Variants in ATP6V0E1 observed in about 807,000 individuals in gnomAD.
ATP6V0E1 encodes the protein ATPase H+ transporting V0 subunit e1.
In ATP6V0E1, 4 loss-of-function variants were observed where a neutral mutation model predicts 11.6. The observed-to-expected ratio is 0.35, with a 90% confidence interval of 0.17 to 0.79. The LOEUF is 0.79. Ranked by LOEUF, ATP6V0E1 falls within the 30% of genes least tolerant of loss-of-function variation. The pLI, the probability that ATP6V0E1 is intolerant of heterozygous loss-of-function variation, is 0.54. For synonymous variants in ATP6V0E1, 36 were observed against 34.8 expected, an observed-to-expected ratio of 1.04 and a Z score of -0.13; for missense variants, 105 against 100.0, an observed-to-expected ratio of 1.05 and a Z score of -0.21.
intron 2 of ATP6V0E1, among the ~76,000 whole-genome samples, chr5:173,001,821 T>A (rs1475817696): frequency 1.3e-5 from 2 of 151,564 alleles, no homozygotes; most frequent in Non-Finnish European, 2.9e-5. Context: ...CAGTTTCAAG[T>A]GATTCTCTTG....
At chr5:172,992,444 G>A (rs1352114095) in intron 1 of ATP6V0E1, among the ~76,000 whole-genome samples, 1 of 151,974 alleles carries the variant, frequency 6.6e-6, no homozygotes, top group African/African-American at 2.4e-5. Context: ...CTTTCCCCAG[G>A]CTCCTTGCTC....
chr5:173,024,116 T>C (rs1159754084), intron 3 of ATP6V0E1, among the ~76,000 whole-genome samples: 1 of 146,168 alleles, frequency 6.8e-6, no homozygotes, highest in Non-Finnish European at 1.5e-5. Flanking sequence ...GAGAATGGCA[T>C]GAACCCAGGA....
chr5:173,024,211 A>AG (rs1363039239), intron 3 of ATP6V0E1, among the ~76,000 whole-genome samples: 2 of 150,866 alleles, frequency 1.3e-5, no homozygotes, highest in Non-Finnish European at 2.9e-5. Context: ...AAAAAAAAAA[A>AG]AAAAAGAAAG....
intron 2 of ATP6V0E1, among the ~76,000 whole-genome samples, chr5:173,008,096 C>T (rs942280188): frequency 1.3e-5 from 2 of 152,248 alleles, no homozygotes; most frequent in East Asian, 1.9e-4. Context: ...AAATGTCCCT[C>T]CAGCTTCCTC....
chr5:173,007,682 C>G (rs1235984387), intron 2 of ATP6V0E1, among the ~76,000 whole-genome samples: 1 of 152,106 alleles, frequency 6.6e-6, no homozygotes, highest in Non-Finnish European at 1.5e-5. Context: ...ATATTTGGTT[C>G]CCTAGGACTG....
intron 2 of ATP6V0E1, among the ~76,000 whole-genome samples, chr5:173,016,646 G>GT (rs924896308): frequency 6.6e-6 from 1 of 152,162 alleles, no homozygotes; most frequent in African/African-American, 2.4e-5. Flanking sequence ...TTACGAAAGT[G>GT]TTTTTTCAGG....
chr5:173,013,562 C>A (rs1756361907), intron 2 of ATP6V0E1, among the ~76,000 whole-genome samples: 1 of 121,740 alleles, frequency 8.2e-6, no homozygotes, highest in African/African-American at 3.3e-5. Context: ...GCGACAGAGC[C>A]AGACTCCATC....
At chr5:173,015,980 C>T (rs1313610317) in intron 2 of ATP6V0E1, among the ~76,000 whole-genome samples, 3 of 152,132 alleles carry the variant, frequency 2.0e-5, no homozygotes, top group Non-Finnish European at 4.4e-5. Context: ...CCCGCCTTGG[C>T]CTCCCAGTGT....
intron 2 of ATP6V0E1, among the ~76,000 whole-genome samples, chr5:173,015,616 A>G (rs1756388460): frequency 1.3e-5 from 2 of 152,240 alleles, no homozygotes; most frequent in South Asian, 4.1e-4. Flanking sequence ...TGAGAGGTTC[A>G]GGAAAGCTGG....
In ATP6V0E1 at chr5:173,012,782, C is replaced by CA. The variant is rs1756348779; in HGVS notation, c.153-7455dup. Among the ~76,000 whole-genome samples the CA allele has an allele frequency of 2.0e-5, 3 of 150,534 alleles. No homozygotes were observed. In the South Asian group the frequency reaches 6.3e-4, roughly 31 times the overall value. ...AAAAAAAAAAAAGAAAAGATTTAAA[C>CA]ATAAGACCTGAAATTATAAAACAGC... is the stretch of plus-strand genomic sequence containing the variant. On this transcript the variant is annotated intron_variant, in intron 2 of 3. Transcript: ENST00000519374.
chr5:172,999,690 A>C (rs1343724569), intron 2 of ATP6V0E1, among the ~76,000 whole-genome samples: 2 of 152,162 alleles, frequency 1.3e-5, no homozygotes, highest in African/African-American at 4.8e-5. Context: ...TGCTGTCTAG[A>C]CATTAGTCCA....
chr5:172,992,503 C>T (rs143789118), intron 1 of ATP6V0E1, among the ~76,000 whole-genome samples: 1 of 152,248 alleles, frequency 6.6e-6, no homozygotes, highest in Non-Finnish European at 1.5e-5. Context: ...GGTACCCTCT[C>T]ACCCCCTGCC....
Position 172,983,986 on chromosome 5 carries a change from T to G in ATP6V0E1, c.104+22T>G, listed in dbSNP as rs768593649. 4 of 1,606,936 alleles carry G rather than the reference T, an allele frequency of 2.5e-6. No individual in the cohort carries two copies. The African/African-American group carries it at 5.4e-5, about 22-fold the overall frequency. On this transcript the variant is annotated intron_variant, in intron 1 of 3. Transcript: ENST00000519374. ...GGGGGTAAGTGCGTGAGGCCCGCCT[T>G]GGGAGGAACGGGCGGTGAGGAGCTA...
At chr5:172,986,638 AC>A in intron 1 of ATP6V0E1, 1 of 419,176 alleles carries the variant, frequency 2.4e-6, no homozygotes, top group Non-Finnish European at 4.7e-6. Context: ...CAAAAATGAA[AC>A]AAGTCCAGTG....
chr5:173,030,537 T>C (rs370036686), intron 3 of ATP6V0E1, among the ~76,000 whole-genome samples: 63 of 151,066 alleles, frequency 4.2e-4, no homozygotes, highest in African/African-American at 1.5e-3. Flanking sequence ...GCCTCCTGGG[T>C]TCAAGTGATT....
Position 173,027,178 on chromosome 5 carries a change from CAAAAAAA to C in ATP6V0E1, c.*36+6831_*36+6837del, listed in dbSNP as rs1158447516. Reference sequence around the variant, plus strand: ...TGGGTGACACAGCGAGACTCCGTCTCAAAAAAAAAAAAAAAAAAAAAAAAAATAGCCG... The same window carrying C: ...TGGGTGACACAGCGAGACTCCGTCTCAAAAAAAAAAAAAAAAAAATAGCCG... On this transcript the variant is annotated intron_variant, in intron 3 of 3. Transcript: ENST00000519374. Among the ~76,000 whole-genome samples the C allele has an allele frequency of 8.1e-4, 21 of 26,056 alleles. 1 individual carries two copies. Among genetic ancestry groups the C allele is most frequent in the South Asian group, 5.0e-3 (3 of 606 alleles). The allele number at this position is 26,056 out of a possible 152,430, so 17.1% of individuals were successfully genotyped here.
intron 3 of ATP6V0E1, among the ~76,000 whole-genome samples, chr5:173,030,997 T>G (rs1452405541): frequency 6.6e-6 from 1 of 151,882 alleles, no homozygotes. Context: ...CAGACTGGAG[T>G]GCAGTGGTGC....
intron 2 of ATP6V0E1, among the ~76,000 whole-genome samples, chr5:173,012,911 A>G (rs1168188908): frequency 3.3e-5 from 5 of 151,080 alleles, no homozygotes; most frequent in East Asian, 3.9e-4. Flanking sequence ...AGTGGCTCAC[A>G]CCTGTAATCC....
chr5:173,020,744 C>T (rs1181980115), intron 3 of ATP6V0E1: 1 of 519,260 alleles, frequency 1.9e-6, no homozygotes, highest in African/African-American at 1.9e-5. Flanking sequence ...AGTAGTCAGC[C>T]ATCCGGACAG....
Sources: allele counts gnomAD v4.1 joint callset (sites outside exome capture counted in the v4.1 genomes callset), GRCh38; gene constraint gnomAD v4.1.1; transcripts MANE v1.5; gene names NCBI Gene and HGNC (gene_info 2026-07-23, HGNC 2026-07-21).